The following STARD7 variants were observed in gnomAD, a reference collection of about 807,000 sequenced individuals.
The protein encoded by STARD7 is stAR-related lipid transfer protein 7, mitochondrial.
STARD7 carries 30 observed loss-of-function variants against 45.3 expected under a neutral mutation model. The ratio of observed to expected loss-of-function variants is 0.66; its 90% CI spans 0.50 to 0.90. The LOEUF (loss-of-function observed/expected upper bound fraction) is 0.90. STARD7 is among the 40% of genes least tolerant of loss of function. STARD7 has a pLI of 0.00. For synonymous variants in STARD7, 199 were observed against 183.0 expected (o/e 1.09, Z -0.70); for missense variants, 495 against 491.3 (o/e 1.01, Z -0.07).
intron 6 of STARD7, among the ~76,000 whole-genome samples, chr2:96,190,115 G>T (rs1438296091): frequency 6.6e-6 from 1 of 152,016 alleles, no homozygotes; most frequent in Non-Finnish European, 1.5e-5. Flanking sequence ...CCACTAAAAG[G>T]AACCAGGACT....
In STARD7 at chr2:96,208,203, C is replaced by G. The variant is rs1258211734; in HGVS notation, c.232G>C (p.Ala78Pro). 7 of 1,608,438 alleles carry G rather than the reference C, an allele frequency of 4.4e-6. No individual in the cohort carries two copies. In the Admixed American group the frequency reaches 1.2e-4, roughly 27 times the overall value. ...RPGHASALMAALAGVFVWDEE... is the reference protein window; with the variant it reads ...RPGHASALMAPLAGVFVWDEE... ...TCCCAAACGAAGACGCCGGCTAACG[C>G]CGCCATCAAGGCAGAGGCATGGCCA... Residue 78 changes from alanine to proline, a missense_variant, in exon 1 of 8, where the codon GCG becomes CCG. This residue lies in a region of STARD7 where 282 missense variants were observed against 220.1 expected (regional missense o/e 1.28). Transcript: ENST00000337288.
At chr2:96,197,773 T>C (rs1683247044) in intron 1 of STARD7, among the ~76,000 whole-genome samples, 3 of 152,192 alleles carry the variant, frequency 2.0e-5, no homozygotes, top group Admixed American at 2.0e-4. Flanking sequence ...ACTAATCTAC[T>C]TTCTGTCTCT....
chr2:96,206,584 A>C (rs1683392799), intron 1 of STARD7, among the ~76,000 whole-genome samples: 2 of 151,934 alleles, frequency 1.3e-5, no homozygotes, highest in Non-Finnish European at 2.9e-5. Flanking sequence ...GCGGATCACG[A>C]GGTCAGGAGA....
Position 96,195,470 on chromosome 2 carries a change from G to A in STARD7, c.370C>T (p.Pro124Ser), listed in dbSNP as rs1319167523. The change falls in exon 2 of 8, where the codon CCA becomes TCA. Residue 124 changes from proline to serine, a missense_variant. Around this residue, in one of 2 missense-constraint regions of STARD7, gnomAD observed 282 missense variants for 220.1 expected, o/e 1.28. Coordinates refer to ENST00000337288, the MANE Select transcript of STARD7 (RefSeq NM_020151.4). ...SSGVQHHPPE[P>S]KAQTEGNEDS... Reference sequence around the variant, plus strand: ...TCATTCCCTTCTGTTTGGGCTTTTGGTTCTGGAGGGTGGTGCTGGACTCCA... The same window carrying A: ...TCATTCCCTTCTGTTTGGGCTTTTGATTCTGGAGGGTGGTGCTGGACTCCA... 6.2e-7 allele frequency: 1 copy of A among 1,613,604 alleles called. No homozygotes were observed. The highest frequency in any genetic ancestry group is 1.3e-5 in the African/African-American group (1 of 74,866).
rs756993447 is a variant in STARD7 at position 96,193,181 on chromosome 2, G to C, written c.661-21C>G. ...GGATACTAAAGAAATGGAGGAGCAG[G>C]ATTAGTGTTCTGCATCACACAAACC... On this transcript the variant is annotated intron_variant, in intron 4 of 7. Coordinates refer to ENST00000337288, the MANE Select transcript of STARD7 (RefSeq NM_020151.4). The C allele has an allele frequency of 1.9e-6, 3 of 1,597,302 alleles. No homozygotes were observed. In the African/African-American group the frequency reaches 4.0e-5, roughly 21 times the overall value.
chr2:96,186,799 C>A lies in STARD7; in HGVS notation c.1044G>T (p.Lys348Asn). The A allele has an allele frequency of 6.2e-7, 1 of 1,613,948 alleles. No individual in the cohort carries two copies. Among genetic ancestry groups the A allele is most frequent in the East Asian group, 2.2e-5 (1 of 44,880 alleles). Reference protein sequence around the residue: ...AKPLEMSSEAKATSQSSERKN... With the variant: ...AKPLEMSSEANATSQSSERKN... ...TTCGCTCAGAGGACTGGCTGGTGGC[C>A]TTGGCTTCACTACTCATTTCCAGAG... Residue 348 changes from lysine (K) to asparagine (N), a missense_variant, in exon 8 of 8, where the codon AAG (lysine) becomes AAT (asparagine). Coordinates refer to ENST00000337288, the MANE Select transcript of STARD7 (RefSeq NM_020151.4).
chr2:96,192,472 G>T lies in STARD7; in HGVS notation c.744-4C>A, dbSNP rs1298575426. 1.2e-6 allele frequency: 2 copies of T among 1,611,504 alleles called. No individual in the cohort carries two copies. The highest frequency in any genetic ancestry group is 1.7e-6 in the Non-Finnish European group (2 of 1,177,670). On this transcript the variant is annotated splice_region_variant and splice_polypyrimidine_tract_variant and intron_variant, in intron 5 of 7. Coordinates refer to ENST00000337288, the MANE Select transcript of STARD7 (RefSeq NM_020151.4). The stretch of plus-strand genomic sequence containing the variant: ...CACACTCGGATGCTCCACAGCACTG[G>T]TAAGGAGGAAAGGAGAAGCAAACTC...
At chr2:96,197,298 G>A (rs1416324915) in intron 1 of STARD7, among the ~76,000 whole-genome samples, 6 of 151,588 alleles carry the variant, frequency 4.0e-5, no homozygotes, top group Non-Finnish European at 7.4e-5. Flanking sequence ...CCAGCTACTC[G>A]GGAGGCTGAG....
intron 7 of STARD7, 116 bp from the exon 8 acceptor site, chr2:96,187,030 C>A: frequency 9.8e-7 from 1 of 1,023,320 alleles, no homozygotes; most frequent in Admixed American, 2.8e-5. Context: ...AAGATCACAA[C>A]CTGACTAGCC....
At chr2:96,196,116 A>G (rs74532142) in intron 1 of STARD7, among the ~76,000 whole-genome samples, 4 of 148,534 alleles carry the variant, frequency 2.7e-5, no homozygotes, top group Non-Finnish European at 6.0e-5. Flanking sequence ...CTTGTCTCAA[A>G]AAAAAAAAAA....
chr2:96,191,570 G>A (rs1683125775), intron 6 of STARD7, among the ~76,000 whole-genome samples: 1 of 151,628 alleles, frequency 6.6e-6, no homozygotes. Flanking sequence ...GTGCATACCT[G>A]GCTCATTCCT....
intron 3 of STARD7, among the ~76,000 whole-genome samples, chr2:96,194,484 T>A (rs182483862): frequency 8.9e-4 from 135 of 152,308 alleles, no homozygotes; most frequent in Non-Finnish European, 6.2e-4. Flanking sequence ...TTGAGTCAAC[T>A]GATAAAACTG....
intron 2 of STARD7, 53 bp from the exon 3 acceptor site, chr2:96,195,060 T>C: frequency 6.6e-7 from 1 of 1,511,564 alleles, no homozygotes; most frequent in East Asian, 2.3e-5. Context: ...GTCACTCGCC[T>C]TGTTTCTTTC....
In STARD7 at chr2:96,186,747, G is replaced by A. The variant is rs774757302; in HGVS notation, c.1096C>T (p.Arg366Trp). Residue 366 changes from arginine to tryptophan, a missense_variant, in exon 8 of 8, where the codon CGG (arginine) becomes TGG (tryptophan). Physicochemically the swap from Arg to Trp is moderately radical, Grantham distance 101. This residue lies in a region of STARD7 where 213 missense variants were observed against 271.2 expected (regional missense o/e 0.79). Coordinates refer to ENST00000337288, the MANE Select transcript of STARD7 (RefSeq NM_020151.4). ...RKNEGSCGPARIEYA is the reference protein window; with the variant it reads ...RKNEGSCGPAWIEYA ...AAAGCCTGTCAAGCATACTCAATCC[G>A]AGCAGGGCCACAGCTGCCCTCGTTC... 17 of 1,611,368 alleles carry A rather than the reference G, an allele frequency of 1.1e-5. No homozygotes were observed. Among genetic ancestry groups the A allele is most frequent in the Middle Eastern group, 1.8e-4 (1 of 5,664 alleles).
chr2:96,208,429 G>C lies in STARD7; in HGVS notation c.6C>G (p.Leu2=), dbSNP rs1270482583. 1 of 1,377,378 alleles carries C rather than the reference G, an allele frequency of 7.3e-7. No individual in the cohort carries two copies. The highest frequency in any genetic ancestry group is 9.3e-7 in the Non-Finnish European group (1 of 1,076,532). The allele number at this position is 1,377,378 out of a possible 1,614,324, so 85.3% of individuals were successfully genotyped here. The change falls in exon 1 of 8, where the codon CTC becomes CTG. Residue 2 remains leucine (L), a synonymous_variant. Transcript: ENST00000337288. The part of the protein sequence containing the change: M[L]PRRLLAAWLA... ...GCCAGGCGGCCAGCAGCCTCCGCGG[G>C]AGCATGCCGCCTCCCGCAGGGCCCG...
chr2:96,195,165 G>T, intron 2 of STARD7, 158 bp from the exon 3 acceptor site: 1 of 821,212 alleles, frequency 1.2e-6, no homozygotes, highest in Non-Finnish European at 1.9e-6. Flanking sequence ...AGACAAAGAG[G>T]ATGTAAGCAA....
In STARD7 at chr2:96,206,812, A is replaced by C. The variant is rs959799176; in HGVS notation, c.290+1333T>G. Among the ~76,000 whole-genome samples, 17 of 151,002 alleles carry C rather than the reference A, an allele frequency of 1.1e-4. 1 individual carries two copies. Among genetic ancestry groups the C allele is most frequent in the Non-Finnish European group, 2.2e-4 (15 of 67,716 alleles). On this transcript the variant is annotated intron_variant, in intron 1 of 7. Transcript: ENST00000337288. ...CGAGACTCCGTCTCAAAAAAAAAAAAAAAAAAAAAAAAGTGGAACACGGAC... is the reference window on the plus strand; with the variant it reads ...CGAGACTCCGTCTCAAAAAAAAAAACAAAAAAAAAAAAGTGGAACACGGAC...
chr2:96,187,110 A>G, intron 7 of STARD7, 107 bp downstream of exon 7: 1 of 1,027,770 alleles, frequency 9.7e-7, no homozygotes, highest in African/African-American at 1.6e-5. Flanking sequence ...CTCAGAAAAA[A>G]AAAAAAAAGA....
At chr2:96,204,554 CGGAAGGGGGCGGGAG>C (rs1683357501) in intron 1 of STARD7, among the ~76,000 whole-genome samples, 1 of 151,356 alleles carries the variant, frequency 6.6e-6, no homozygotes, top group Non-Finnish European at 1.5e-5. Flanking sequence ...GACTCTGTCC[CGGAAGGGGGCGGGAG>C]GGAAGGGGAG....
Sources: gnomAD v4.1 joint callset for allele counts (sites outside exome capture counted in the v4.1 genomes callset) on GRCh38, gnomAD v4.1.1 for gene constraint, gnomAD v4.1.1 regional missense constraint, MANE v1.5 for transcripts, NCBI Gene and HGNC (gene_info 2026-07-23, HGNC 2026-07-21) for gene names.